Variants in RBFOX3 observed in about 807,000 individuals in gnomAD.
RBFOX3 encodes the protein RNA binding protein fox-1 homolog 3.
Under a neutral mutation model 48.7 loss-of-function variants are expected in RBFOX3, and 17 were observed. The observed-to-expected ratio is 0.35, with a 90% CI of 0.24 to 0.52. The LOEUF (loss-of-function observed/expected upper bound fraction) is 0.52. Among genes scored for constraint, RBFOX3 ranks in the 20% least tolerant of loss-of-function variants. The pLI, the probability that RBFOX3 is intolerant of heterozygous loss-of-function variation, is 0.94. For missense variants in RBFOX3, 382 were observed against 497.5 expected (o/e 0.77, Z 2.21); for synonymous variants, 212 against 209.5 (o/e 1.01, Z -0.10).
chr17:79,329,101 T>A (rs1325671663), intron 2 of RBFOX3, among the ~76,000 whole-genome samples: 2 of 152,086 alleles, frequency 1.3e-5, no homozygotes, highest in Non-Finnish European at 2.9e-5. Flanking sequence ...CCCCACCCAC[T>A]AAATCCCAGC....
chr17:79,648,850 C>A, the RBFOX3 span, among the ~76,000 whole-genome samples: 1 of 152,206 alleles, frequency 6.6e-6, no homozygotes, highest in African/African-American at 2.4e-5. Context: ...GCCCTTAAAA[C>A]CCTCTTGCTC....
chr17:79,494,022 G>A (rs1447271501), intron 1 of RBFOX3, among the ~76,000 whole-genome samples: 1 of 152,158 alleles, frequency 6.6e-6, no homozygotes, highest in Non-Finnish European at 1.5e-5. Context: ...TGTAATCCCA[G>A]CTACTTAGGA....
chr17:79,234,507 T>G (rs1158416760), intron 4 of RBFOX3: 1 of 152,068 alleles, frequency 6.6e-6, no homozygotes, highest in Non-Finnish European at 1.5e-5. Flanking sequence ...CCGGTCCTGA[T>G]TTTTGAAAAA....
intron 8 of RBFOX3, among the ~76,000 whole-genome samples, chr17:79,102,786 C>T (rs576462787): frequency 3.7e-4 from 57 of 152,342 alleles, no homozygotes; most frequent in African/African-American, 1.3e-3. Context: ...ACAGCCGCTG[C>T]TCCATGGTGA....
chr17:79,398,543 T>C (rs2062350459), intron 2 of RBFOX3, among the ~76,000 whole-genome samples: 1 of 151,580 alleles, frequency 6.6e-6, no homozygotes, highest in African/African-American at 2.4e-5. Flanking sequence ...CTGGAGACAT[T>C]GTTGGTCATC....
At chr17:79,420,123 T>TCACACA (rs1491201396) in intron 2 of RBFOX3, among the ~76,000 whole-genome samples, 3 of 62,050 alleles carry the variant, frequency 4.8e-5, no homozygotes, top group African/African-American at 2.2e-4. Flanking sequence ...CAAGACTCCG[T>TCACACA]CTCATACACA....
At chr17:79,588,077 C>T (rs1303107958) in intron 1 of RBFOX3, among the ~76,000 whole-genome samples, 2 of 152,268 alleles carry the variant, frequency 1.3e-5, no homozygotes, top group East Asian at 1.9e-4. Flanking sequence ...AATCCATCCT[C>T]CCACCTTGGC....
At chr17:79,433,644 C>T (rs1403249146) in intron 2 of RBFOX3, among the ~76,000 whole-genome samples, 1 of 152,200 alleles carries the variant, frequency 6.6e-6, no homozygotes, top group African/African-American at 2.4e-5. Context: ...GAGCCACGCC[C>T]AGCTGGCTCA....
At chr17:79,355,233 G>A (rs185849139) in intron 2 of RBFOX3, among the ~76,000 whole-genome samples, 6 of 152,322 alleles carry the variant, frequency 3.9e-5, no homozygotes, top group South Asian at 2.1e-4. Context: ...AAGTTCTTCC[G>A]AGGAAAGGCA....
chr17:79,273,442 G>T (rs953209658), intron 3 of RBFOX3, among the ~76,000 whole-genome samples: 1 of 152,160 alleles, frequency 6.6e-6, no homozygotes, highest in African/African-American at 2.4e-5. Context: ...GATGGAGTCA[G>T]GTTGTTGGAG....
the RBFOX3 span, among the ~76,000 whole-genome samples, chr17:79,618,645 A>G: frequency 6.6e-6 from 1 of 152,188 alleles, no homozygotes; most frequent in Non-Finnish European, 1.5e-5. Flanking sequence ...GTCTGGACAA[A>G]TGGATTTTCC....
intron 1 of RBFOX3, among the ~76,000 whole-genome samples, chr17:79,559,016 C>T (rs1003638204): frequency 6.6e-6 from 1 of 152,058 alleles, no homozygotes; most frequent in Non-Finnish European, 1.5e-5. Context: ...CCTGAGAGTC[C>T]CCACCAGGAG....
At position 79,166,600 on chromosome 17, in the gene RBFOX3, C is replaced by G. The variant is rs115954411; in HGVS notation, c.-33-50852G>C. Among the ~76,000 whole-genome samples the G allele has an allele frequency of 4.6e-5, 7 of 152,138 alleles. No homozygotes were observed. The South Asian group carries it at 1.5e-3, about 32-fold the overall frequency. ...GGCCCAACACCCCAGCACCGAGATC[C>G]GGAGGAGGAGCCCAGCCCCTATGAA... On this transcript the variant is annotated intron_variant, in intron 4 of 14. Coordinates refer to ENST00000693108, the MANE Select transcript of RBFOX3 (RefSeq NM_001350451.2).
chr17:79,584,464 G>A (rs1054675846), intron 1 of RBFOX3, among the ~76,000 whole-genome samples: 16 of 152,198 alleles, frequency 1.1e-4, no homozygotes, highest in East Asian at 1.9e-4. Context: ...AGCACAATCC[G>A]CAATTACAAA....
chr17:79,162,014 C>T (rs1016969840), intron 4 of RBFOX3, among the ~76,000 whole-genome samples: 33 of 152,188 alleles, frequency 2.2e-4, no homozygotes, highest in African/African-American at 8.0e-4. Context: ...CAGGACTAGA[C>T]AGATTACAAA....
At position 79,455,835 on chromosome 17, in the gene RBFOX3, G is replaced by A. The variant is rs188253554; in HGVS notation, c.-175+26619C>T. ...TCCACATGCACCCTTGACACCTGCA[G>A]CGGCACCTCCAGCCTGGCCTCCCCC... On this transcript the variant is annotated intron_variant, in intron 2 of 14. Coordinates refer to ENST00000693108, the MANE Select transcript of RBFOX3 (RefSeq NM_001350451.2). Among the ~76,000 whole-genome samples the A allele has an allele frequency of 1.4e-4, 21 of 152,272 alleles. No homozygotes were observed. In the East Asian group the frequency reaches 3.9e-3, roughly 28 times the overall value.
At chr17:79,620,573 G>A in the RBFOX3 span, among the ~76,000 whole-genome samples, 1 of 84,942 alleles carries the variant, frequency 1.2e-5, no homozygotes, top group South Asian at 3.9e-4. Context: ...ACCCGCGCGT[G>A]CACACACGCA....
intron 1 of RBFOX3, among the ~76,000 whole-genome samples, chr17:79,604,603 A>G (rs1216352338): frequency 6.6e-6 from 1 of 152,218 alleles, no homozygotes; most frequent in African/African-American, 2.4e-5. Context: ...CAAAAGTTCC[A>G]GAAAAATAGG....
chr17:79,511,089 C>A (rs1013219215), intron 1 of RBFOX3, among the ~76,000 whole-genome samples: 8 of 152,182 alleles, frequency 5.3e-5, no homozygotes, highest in African/African-American at 1.9e-4. Flanking sequence ...CCAGGACTGT[C>A]CTCATCCACG....
Sources: allele counts gnomAD v4.1 joint callset (sites outside exome capture counted in the v4.1 genomes callset), GRCh38; gene constraint gnomAD v4.1.1; transcripts MANE v1.5; gene names NCBI Gene and HGNC (gene_info 2026-07-23, HGNC 2026-07-21).